CLSTN2: variants seen among roughly 807,000 people sequenced by gnomAD.
CLSTN2 encodes calsyntenin-2.
A neutral mutation model predicts 101.2 loss-of-function variants in CLSTN2; 48 were observed. The observed-to-expected ratio is 0.47, with a 90% confidence interval of 0.38 to 0.60. The LOEUF (loss-of-function observed/expected upper bound fraction) is 0.60. Among genes scored for constraint, CLSTN2 ranks in the 20% least tolerant of loss-of-function variants. The pLI is 0.00. For missense variants in CLSTN2, 1,160 were observed against 1,238.2 expected (o/e 0.94, Z 0.95); for synonymous variants, 481 against 463.6 (o/e 1.04, Z -0.48).
At position 139,935,799 on chromosome 3, in the gene CLSTN2, A is replaced by G. The variant is rs1210353650; in HGVS notation, c.109+316A>G. Among the ~76,000 whole-genome samples, 2 of 151,972 alleles carry G rather than the reference A, an allele frequency of 1.3e-5. No individual in the cohort carries two copies. Among genetic ancestry groups the G allele is most frequent in the African/African-American group, 2.4e-5 (1 of 41,408 alleles). ...GTGGGTGAGTTTCGAGCTCTGGCCC[A>G]GGGACGGCTAGAGCAGGGCGCTGGC... On this transcript the variant is annotated intron_variant, in intron 1 of 16. Transcript: ENST00000458420. The surrounding 1 kb of genome is among the most constrained non-coding windows in gnomAD (Gnocchi z 5.5).
chr3:140,506,588 A>G (rs1934688123), intron 8 of CLSTN2: 1 of 152,132 alleles, frequency 6.6e-6, no homozygotes, highest in Non-Finnish European at 1.5e-5. Flanking sequence ...GAACATGACC[A>G]CCATTCATCG....
intron 8 of CLSTN2, among the ~76,000 whole-genome samples, chr3:140,500,119 A>G (rs1361230471): frequency 1.3e-5 from 2 of 152,032 alleles, no homozygotes; most frequent in Non-Finnish European, 2.9e-5. Flanking sequence ...AAATTAGGGA[A>G]CTTCATGGGG....
At chr3:139,990,508 G>T (rs1380393349) in intron 1 of CLSTN2, among the ~76,000 whole-genome samples, 4 of 152,144 alleles carry the variant, frequency 2.6e-5, no homozygotes, top group Non-Finnish European at 4.4e-5. Flanking sequence ...TGCATCCTTT[G>T]CTTAAAATGT....
chr3:140,099,422 C>T (rs1045687652), intron 1 of CLSTN2, among the ~76,000 whole-genome samples: 17 of 152,096 alleles, frequency 1.1e-4, no homozygotes, highest in African/African-American at 3.9e-4. Context: ...CCATGCATCT[C>T]TCCTTGGTGT....
chr3:140,353,549 A>G (rs1002390713), intron 2 of CLSTN2, among the ~76,000 whole-genome samples: 1 of 152,076 alleles, frequency 6.6e-6, no homozygotes, highest in African/African-American at 2.4e-5. Flanking sequence ...CTCAAACGTT[A>G]ATCTCCTTTG....
intron 1 of CLSTN2, among the ~76,000 whole-genome samples, chr3:140,056,095 C>T (rs886309386): frequency 9.2e-5 from 14 of 152,206 alleles, no homozygotes; most frequent in South Asian, 2.1e-4. Context: ...GGAAGAAAGA[C>T]GGTTTGTTCG....
At chr3:140,204,967 G>A (rs2010761137) in intron 2 of CLSTN2, among the ~76,000 whole-genome samples, 1 of 152,152 alleles carries the variant, frequency 6.6e-6, no homozygotes, top group Non-Finnish European at 1.5e-5. Flanking sequence ...AATGATTCTT[G>A]AGGGGCTCAA....
At chr3:140,324,264 T>C (rs2087311775) in intron 2 of CLSTN2, among the ~76,000 whole-genome samples, 1 of 152,244 alleles carries the variant, frequency 6.6e-6, no homozygotes. Flanking sequence ...CACTGTGGTC[T>C]AATTTCTAAA....
At chr3:140,093,683 C>CT (rs1157184556) in intron 1 of CLSTN2, among the ~76,000 whole-genome samples, 1 of 152,098 alleles carries the variant, frequency 6.6e-6, no homozygotes, top group Non-Finnish European at 1.5e-5. Flanking sequence ...TCCACTCTAT[C>CT]TCTCCCCTAA....
chr3:140,112,338 G>A (rs918303664), intron 1 of CLSTN2, among the ~76,000 whole-genome samples: 6 of 150,442 alleles, frequency 4.0e-5, no homozygotes, highest in Admixed American at 2.7e-4. Flanking sequence ...GGGAAGAGGA[G>A]CAAATATTAA....
intron 9 of CLSTN2, among the ~76,000 whole-genome samples, chr3:140,541,469 C>T (rs937160171): frequency 2.0e-5 from 3 of 152,198 alleles, no homozygotes; most frequent in Non-Finnish European, 4.4e-5. Context: ...CCTCCAGGAA[C>T]TTTTCCATGC....
At chr3:140,498,634 A>G (rs1294057960) in intron 8 of CLSTN2, among the ~76,000 whole-genome samples, 2 of 152,262 alleles carry the variant, frequency 1.3e-5, no homozygotes, top group African/African-American at 4.8e-5. Flanking sequence ...AAATAAAATT[A>G]AACAATTATT....
intron 1 of CLSTN2, among the ~76,000 whole-genome samples, chr3:140,158,090 A>G (rs931320737): frequency 2.0e-5 from 3 of 152,104 alleles, no homozygotes; most frequent in Non-Finnish European, 4.4e-5. Context: ...CAAACCCACA[A>G]CCAACATTAC....
intron 1 of CLSTN2, among the ~76,000 whole-genome samples, chr3:140,147,668 T>C (rs1013518377): frequency 1.3e-5 from 2 of 152,154 alleles, no homozygotes; most frequent in Non-Finnish European, 2.9e-5. Context: ...TCCAACACAG[T>C]ACTGAGTGCT....
chr3:139,958,611 G>A (rs1187533408), intron 1 of CLSTN2, among the ~76,000 whole-genome samples: 1 of 151,716 alleles, frequency 6.6e-6, no homozygotes, highest in African/African-American at 2.4e-5. Context: ...GATCAACTGG[G>A]AACCTGCAGA....
intron 2 of CLSTN2, among the ~76,000 whole-genome samples, chr3:140,222,492 C>A (rs2107853714): frequency 6.6e-6 from 1 of 152,160 alleles, no homozygotes; most frequent in Non-Finnish European, 1.5e-5. Context: ...GATTGTTACA[C>A]AAAGGATAAA....
rs112374365 is a variant in CLSTN2 at position 140,363,903 on chromosome 3, G to A, written c.233-39726G>A. ...TTAGAGAAATGAGGAGCAGTAGGAG[G>A]CAGGAAACCCTGACTGGGAGGCCTC... On this transcript the variant is annotated intron_variant, in intron 2 of 16. Coordinates refer to ENST00000458420, the MANE Select transcript of CLSTN2 (RefSeq NM_022131.3). Among the ~76,000 whole-genome samples the A allele has an allele frequency of 2.2e-3, 331 of 152,296 alleles. 2 individuals are homozygous for A. Among genetic ancestry groups the A allele is most frequent in the African/African-American group, 7.4e-3 (307 of 41,554 alleles).
chr3:140,403,889 T>G lies in CLSTN2; in HGVS notation c.428+65T>G. ...CCGTGCCCACCCCACTTCATTCACA[T>G]GCTGCTCTTCAGATATGTTTACCCT... On this transcript the variant is annotated intron_variant, in intron 3 of 16. Transcript: ENST00000458420. 3 of 1,254,230 alleles carry G rather than the reference T, an allele frequency of 2.4e-6. No individual in the cohort carries two copies. The South Asian group carries it at 4.1e-5, about 17-fold the overall frequency. 77.7% of individuals were successfully genotyped at this position (1,254,230 alleles called of 1,614,324 possible).
chr3:140,125,944 C>T (rs13061951), intron 1 of CLSTN2, among the ~76,000 whole-genome samples: 25,338 of 151,946 alleles, frequency 0.17, 2,380 homozygotes, highest in East Asian at 0.36. Context: ...AAAGTGTCAT[C>T]GGGGCAGGGG....
Sources: allele counts gnomAD v4.1 joint callset (sites outside exome capture counted in the v4.1 genomes callset), GRCh38; gene constraint gnomAD v4.1.1; non-coding constraint Gnocchi (gnomAD v3.1); transcripts MANE v1.5; gene names NCBI Gene and HGNC (gene_info 2026-07-23, HGNC 2026-07-21).